ATAD5: variants seen among roughly 807,000 people sequenced by gnomAD.
The protein encoded by ATAD5 is ATPase family AAA domain-containing protein 5.
A neutral mutation model predicts 176.9 loss-of-function variants in ATAD5; 58 were observed. The observed-to-expected ratio is 0.33, with a 90% CI of 0.27 to 0.41. The LOEUF (loss-of-function observed/expected upper bound fraction) is 0.41, where lower values mean the gene tolerates loss of function less well. Among genes scored for constraint, ATAD5 ranks in the 10% least tolerant of loss-of-function variants. ATAD5 has a pLI of 1.00. For synonymous variants in ATAD5, 640 were observed against 712.6 expected (o/e 0.90, Z 1.62); for missense variants, 1,789 against 2,094.1 (o/e 0.85, Z 2.84).
intron 19 of ATAD5, among the ~76,000 whole-genome samples, chr17:30,892,348 C>T (rs1909683581): frequency 6.6e-6 from 1 of 151,252 alleles, no homozygotes; most frequent in South Asian, 2.1e-4. Context: ...TCGCTTGAAC[C>T]CAGGAGGTGG....
rs372570681 is a variant in ATAD5, at chr17:30,834,720, A to G, written c.639A>G (p.Val213=). Residue 213 remains valine, a synonymous_variant, in exon 2 of 23, where the codon GTA becomes GTG. Transcript: ENST00000321990. ...TGAGAAAAAGGAAATGCAGAGATGT[A>G]GTAGATCTATCTGAAAGCTTACCCT... ...KKLRKRKCRD[V]VDLSESLPLA... is the part of the protein sequence containing the mutation. 1 of 1,613,598 alleles carries G rather than the reference A, an allele frequency of 6.2e-7. No individual in the cohort carries two copies. Among genetic ancestry groups the G allele is most frequent in the South Asian group, 1.1e-5 (1 of 90,924 alleles).
At chr17:30,841,133 C>T (rs1597954499) in intron 4 of ATAD5, among the ~76,000 whole-genome samples, 1 of 152,048 alleles carries the variant, frequency 6.6e-6, no homozygotes, top group Admixed American at 6.6e-5. Context: ...CCTCGGCCTC[C>T]CAAGTAGCTG....
Position 30,855,234 on chromosome 17 carries a change from C to T in ATAD5, c.2542C>T (p.Arg848Trp), listed in dbSNP as rs1294728867. 1.2e-6 allele frequency: 2 copies of T among 1,614,000 alleles called. No homozygotes were observed. Among genetic ancestry groups the T allele is most frequent in the Non-Finnish European group, 1.7e-6 (2 of 1,179,970 alleles). Reference sequence around the variant, plus strand: ...GAGTGGTTTGCCAGATTTGTTGAAACGGCAAATTGCAAAGAAAGCTGCTGC... The same window carrying T: ...GAGTGGTTTGCCAGATTTGTTGAAATGGCAAATTGCAAAGAAAGCTGCTGC... ...LMSGLPDLLKRQIAKKAAALD... is the reference protein window; with the variant it reads ...LMSGLPDLLKWQIAKKAAALD... Residue 848 changes from arginine (R) to tryptophan (W), a missense_variant, in exon 7 of 23, where the codon CGG becomes TGG. This residue lies in a region of ATAD5 where 487 missense variants were observed against 573.6 expected (regional missense o/e 0.85). Transcript: ENST00000321990.
At chr17:30,854,202 A>AT (rs143663961) in intron 6 of ATAD5, among the ~76,000 whole-genome samples, 28,291 of 146,666 alleles carry the variant, frequency 0.19, 3,381 homozygotes, top group Non-Finnish European at 0.27. Context: ...CTAAAACAAA[A>AT]TTTTTATATA....
intron 10 of ATAD5, among the ~76,000 whole-genome samples, chr17:30,861,228 T>G (rs1435530907): frequency 8.3e-6 from 1 of 120,468 alleles, no homozygotes; most frequent in Non-Finnish European, 1.6e-5. Flanking sequence ...CCTCCCAAAG[T>G]GCAGATTTTG....
At chr17:30,879,390 A>AT (rs375473088) in intron 17 of ATAD5, 33 bp from the exon 18 acceptor site, 52,568 of 1,135,610 alleles carry the variant, frequency 0.046, 254 homozygotes, top group African/African-American at 0.11. Context: ...GTGTTTAAGA[A>AT]TTTTTTTTTT....
chr17:30,840,885 C>T, intron 4 of ATAD5, 104 bp downstream of exon 4: 2 of 1,143,608 alleles, frequency 1.7e-6, no homozygotes, highest in South Asian at 1.6e-5. Flanking sequence ...TGTGTGATAG[C>T]TTGAAGTGGT....
At chr17:30,832,758 A>G (rs986081551) in intron 1 of ATAD5, among the ~76,000 whole-genome samples, 12 of 152,224 alleles carry the variant, frequency 7.9e-5, no homozygotes, top group African/African-American at 2.9e-4. Context: ...GGTTCGTGAT[A>G]CGGAATCACT....
chr17:30,879,653 C>T (rs1908896364), intron 18 of ATAD5, among the ~76,000 whole-genome samples, 166 bp downstream of exon 18: 1 of 151,502 alleles, frequency 6.6e-6, no homozygotes, highest in Non-Finnish European at 1.5e-5. Flanking sequence ...AGCTCCGCTT[C>T]CCGGGTTCAC....
chr17:30,833,318 C>A (rs759912803), intron 1 of ATAD5, among the ~76,000 whole-genome samples: 3 of 152,166 alleles, frequency 2.0e-5, no homozygotes, highest in Non-Finnish European at 1.5e-5. Flanking sequence ...ATCAATCTTT[C>A]CGTTACAGTT....
chr17:30,889,171 T>A (rs1184142042), intron 19 of ATAD5, among the ~76,000 whole-genome samples: 1 of 148,712 alleles, frequency 6.7e-6, no homozygotes, highest in Non-Finnish European at 1.5e-5. Context: ...TCTTTCTTTT[T>A]TTTTTTTTTT....
chr17:30,852,884 T>G (rs2142352927), intron 6 of ATAD5, among the ~76,000 whole-genome samples: 1 of 151,428 alleles, frequency 6.6e-6, no homozygotes, highest in East Asian at 1.9e-4. Context: ...GGAGGTTATA[T>G]TTCTTTCTTT....
chr17:30,862,581 A>G (rs1260751428), intron 10 of ATAD5: 2 of 152,090 alleles, frequency 1.3e-5, no homozygotes, highest in African/African-American at 4.8e-5. Flanking sequence ...AACTGGGATT[A>G]TAGGCATGTG....
intron 15 of ATAD5, 44 bp from the exon 16 acceptor site, chr17:30,877,372 C>A: frequency 7.5e-7 from 1 of 1,329,796 alleles, no homozygotes; most frequent in Non-Finnish European, 1.0e-6. Flanking sequence ...AATGTCTTAG[C>A]AAAAGTTGAT....
In ATAD5 at chr17:30,881,820, G is replaced by A. The variant is rs563044617; in HGVS notation, c.4077+2333G>A. 2.0e-3 allele frequency among the ~76,000 whole-genome samples: 298 copies of A among 152,132 alleles called. 1 individual carries two copies. Among genetic ancestry groups the A allele is most frequent in the African/African-American group, 6.8e-3 (282 of 41,534 alleles). ...TCCCAGCTACTTGGGAGATTGAGGT[G>A]GGAGGATCACTTGAGTATGGGAGGC... On this transcript the variant is annotated intron_variant, in intron 18 of 22. Coordinates refer to ENST00000321990, the MANE Select transcript of ATAD5 (RefSeq NM_024857.5).
intron 10 of ATAD5, chr17:30,864,705 A>C (rs931727099): frequency 6.6e-6 from 1 of 152,178 alleles, no homozygotes; most frequent in Non-Finnish European, 1.5e-5. Context: ...ATGTGTACCC[A>C]GTGTTTAGGT....
chr17:30,890,358 G>A (rs1909565986), intron 19 of ATAD5, among the ~76,000 whole-genome samples: 1 of 150,172 alleles, frequency 6.7e-6, no homozygotes, highest in African/African-American at 2.4e-5. Context: ...AATTGTTACA[G>A]CAAGAAACTT....
rs1054378501 is a variant in ATAD5 at position 30,832,224 on chromosome 17, C to T, written c.-124C>T. 5 of 807,858 alleles carry T rather than the reference C, an allele frequency of 6.2e-6. No individual in the cohort carries two copies. The African/African-American group carries it at 7.1e-5, about 12-fold the overall frequency. 50.0% of individuals were successfully genotyped at this position (807,858 alleles called of 1,614,324 possible). A position where few individuals can be genotyped will look rare whatever the true frequency, so the allele number is the denominator to read the frequency against. On this transcript the variant is annotated 5_prime_UTR_variant, in exon 1 of 23. Transcript: ENST00000321990. Reference sequence around the variant, plus strand: ...CTCTGTCGGTGGGCGCGGGGGAATCCGAAACGGCTCAGCAGAATCCCAGCA... The same window carrying T: ...CTCTGTCGGTGGGCGCGGGGGAATCTGAAACGGCTCAGCAGAATCCCAGCA...
chr17:30,859,815 C>T (rs1907509636), intron 9 of ATAD5, among the ~76,000 whole-genome samples: 1 of 145,572 alleles, frequency 6.9e-6, no homozygotes, highest in South Asian at 2.4e-4. Context: ...CCTCAGCCTT[C>T]TAGGTTCCAC....
Sources: allele counts gnomAD v4.1 joint callset (sites outside exome capture counted in the v4.1 genomes callset), GRCh38; gene constraint gnomAD v4.1.1; regional missense constraint gnomAD v4.1.1; transcripts MANE v1.5; gene names NCBI Gene and HGNC (gene_info 2026-07-23, HGNC 2026-07-21).